C3orf70: variants seen among roughly 807,000 people sequenced by gnomAD.
C3orf70 encodes chromosome 3 open reading frame 70.
In C3orf70, 15 loss-of-function variants were observed where a neutral mutation model predicts 20.7. The observed-to-expected ratio is 0.72, with a 90% CI of 0.48 to 1.11. C3orf70 has a LOEUF of 1.11. Ranked by LOEUF, C3orf70 falls within the 50% of genes most tolerant of loss-of-function variation. C3orf70 has a pLI of 0.00. For synonymous variants in C3orf70, 161 were observed against 125.7 expected, an observed-to-expected ratio of 1.28 and a Z score of -1.88; for missense variants, 332 against 317.6, an observed-to-expected ratio of 1.05 and a Z score of -0.34.
chr3:185,137,883 G>A (rs1010142404), intron 1 of C3orf70, among the ~76,000 whole-genome samples: 5 of 152,054 alleles, frequency 3.3e-5, no homozygotes, highest in East Asian at 3.8e-4. Context: ...AAAGAAGAGC[G>A]TAATAAAGAT....
chr3:185,096,718 C>T (rs903278575), intron 1 of C3orf70, among the ~76,000 whole-genome samples: 5 of 152,192 alleles, frequency 3.3e-5, no homozygotes, highest in Admixed American at 6.5e-5. Flanking sequence ...GGCTCACTTA[C>T]AGTCTTGGCT....
At chr3:185,098,025 A>G (rs563100749) in intron 1 of C3orf70, among the ~76,000 whole-genome samples, 1 of 152,264 alleles carries the variant, frequency 6.6e-6, no homozygotes, top group East Asian at 1.9e-4. Flanking sequence ...GGTTTTTAAG[A>G]TTATCACTTG....
chr3:185,090,467 A>G (rs1715542500), intron 1 of C3orf70, among the ~76,000 whole-genome samples: 1 of 152,204 alleles, frequency 6.6e-6, no homozygotes, highest in Non-Finnish European at 1.5e-5. Flanking sequence ...CCTTGACACA[A>G]GAAGTATACT....
intron 1 of C3orf70, among the ~76,000 whole-genome samples, chr3:185,094,854 G>A (rs955802289): frequency 3.5e-4 from 53 of 152,150 alleles, no homozygotes; most frequent in African/African-American, 1.3e-3. Context: ...ACAAGGAGAG[G>A]TCACTGGGGG....
intron 1 of C3orf70, among the ~76,000 whole-genome samples, chr3:185,124,668 T>TA (rs747963128): frequency 1.8e-4 from 27 of 151,244 alleles, no homozygotes; most frequent in East Asian, 9.7e-4. Context: ...CATAAACCGT[T>TA]AAAAAAAAAT....
intron 1 of C3orf70, among the ~76,000 whole-genome samples, chr3:185,141,087 G>A (rs1716741715): frequency 6.6e-6 from 1 of 151,958 alleles, no homozygotes. Context: ...ACCCTTCCCA[G>A]AACCCAAAGA....
At chr3:185,140,549 G>A (rs1478580095) in intron 1 of C3orf70, among the ~76,000 whole-genome samples, 3 of 152,052 alleles carry the variant, frequency 2.0e-5, no homozygotes, top group South Asian at 2.1e-4. Context: ...AAATTCATAC[G>A]TTGAAATCCT....
At chr3:185,148,054 AC>A (rs1716911753) in intron 1 of C3orf70, among the ~76,000 whole-genome samples, 2 of 152,178 alleles carry the variant, frequency 1.3e-5, no homozygotes, top group Non-Finnish European at 2.9e-5. Context: ...ATCCTCTTGT[AC>A]CCAGACTCTG....
chr3:185,096,534 T>A (rs1412283190), intron 1 of C3orf70, among the ~76,000 whole-genome samples: 1 of 152,158 alleles, frequency 6.6e-6, no homozygotes, highest in Non-Finnish European at 1.5e-5. Flanking sequence ...GCCTTCCATA[T>A]ATGCTCTGCC....
chr3:185,111,440 G>A (rs55761931), intron 1 of C3orf70, among the ~76,000 whole-genome samples: 9,022 of 152,218 alleles, frequency 0.059, 375 homozygotes, highest in South Asian at 0.1. Context: ...GAATAGATAT[G>A]TCTTTAAAGA....
chr3:185,111,291 A>G (rs1199214309), intron 1 of C3orf70, among the ~76,000 whole-genome samples: 1 of 152,248 alleles, frequency 6.6e-6, no homozygotes, highest in South Asian at 2.1e-4. Context: ...CCATCAAGAA[A>G]GTGAAAAAAG....
rs534050103 is a variant in C3orf70, at chr3:185,077,135, G to A, written c.*5872C>T. Among the ~76,000 whole-genome samples, 7 of 151,660 alleles carry A rather than the reference G, an allele frequency of 4.6e-5. No homozygotes were observed. Among genetic ancestry groups the A allele is most frequent in the Non-Finnish European group, 8.8e-5 (6 of 68,014 alleles). ...AGAGACATGGTATAGGGTGCGGGGT[G>A]GGGGGGCACTGTATGGAGGACAGAG... On this transcript the variant is annotated 3_prime_UTR_variant, in exon 2 of 2. Coordinates refer to ENST00000335012, the MANE Select transcript of C3orf70 (RefSeq NM_001025266.3).
chr3:185,087,975 G>A (rs1028092885), intron 1 of C3orf70, among the ~76,000 whole-genome samples: 4 of 149,216 alleles, frequency 2.7e-5, no homozygotes, highest in Admixed American at 1.3e-4. Flanking sequence ...GCAATAGCAC[G>A]ATCTTGGCTC....
In C3orf70 at chr3:185,079,918, A is replaced by T. The variant is rs1715294378; in HGVS notation, c.*3089T>A. 6.5e-6 allele frequency: 1 copy of T among 152,676 alleles called. No individual in the cohort carries two copies. The highest frequency in any genetic ancestry group is 6.5e-5 in the Admixed American group (1 of 15,286). The allele number at this position is 152,676 out of a possible 1,614,324, so 9.5% of individuals were successfully genotyped here. A position where few individuals can be genotyped will look rare whatever the true frequency, so the allele number is the denominator to read the frequency against. On this transcript the variant is annotated 3_prime_UTR_variant, in exon 2 of 2. Transcript: ENST00000335012. ...CATGTTGCAGTCTAAACATTTTCTA[A>T]AGTGTCTGTAAGTACACAAATTAGC...
At chr3:185,134,251 A>G in intron 1 of C3orf70, among the ~76,000 whole-genome samples, 1 of 152,198 alleles carries the variant, frequency 6.6e-6, no homozygotes, top group East Asian at 1.9e-4. Flanking sequence ...TGACTTTTGA[A>G]CCATGAAAAC....
chr3:185,137,446 G>C (rs1299452157), intron 1 of C3orf70, among the ~76,000 whole-genome samples: 2 of 152,116 alleles, frequency 1.3e-5, no homozygotes, highest in Non-Finnish European at 1.5e-5. Flanking sequence ...CAATAAACAG[G>C]ATCTAAAAGA....
chr3:185,149,394 C>CCAAAAAAAAA (rs1716943143), intron 1 of C3orf70, among the ~76,000 whole-genome samples: 1 of 104,404 alleles, frequency 9.6e-6, no homozygotes. Context: ...CTCTGTCTCC[C>CCAAAAAAAAA]AAAAAAAAAA....
At chr3:185,091,945 ATATATATATATATATATATTTTTT>A (rs1715593290) in intron 1 of C3orf70, among the ~76,000 whole-genome samples, 1 of 6,924 alleles carries the variant, frequency 1.4e-4, no homozygotes, top group Non-Finnish European at 2.9e-4. Context: ...ATATATATAT[ATATATATATATATATATATTTTTT>A]TTTTTTTTTA....
intron 1 of C3orf70, among the ~76,000 whole-genome samples, chr3:185,088,639 C>T (rs1033177343): frequency 3.9e-5 from 6 of 152,038 alleles, no homozygotes; most frequent in South Asian, 2.1e-4. Context: ...TGATAAACTT[C>T]GTTACAGGTG....
Sources: gnomAD v4.1 joint callset for allele counts (sites outside exome capture counted in the v4.1 genomes callset) on GRCh38, gnomAD v4.1.1 for gene constraint, MANE v1.5 for transcripts, NCBI Gene and HGNC (gene_info 2026-07-23, HGNC 2026-07-21) for gene names.